MAP2: variants seen among roughly 807,000 people sequenced by gnomAD.
MAP2 encodes microtubule-associated protein 2.
In MAP2, 14 loss-of-function variants were observed where a neutral mutation model predicts 137.6. That is an observed-to-expected ratio of 0.10 (90% confidence interval 0.07 to 0.16). The LOEUF is 0.16. Ranked by LOEUF, MAP2 falls within the 10% of genes least tolerant of loss-of-function variation. The probability of loss-of-function intolerance (pLI) is 1.00; values close to 1 mark genes in which losing one functional copy is unlikely to be tolerated. For missense variants in MAP2, 2,088 were observed against 2,191.5 expected, an observed-to-expected ratio of 0.95 and a Z score of 0.94; for synonymous variants, 786 against 782.3, an observed-to-expected ratio of 1.00 and a Z score of -0.08.
In MAP2 at chr2:209,704,503, A is replaced by G. The variant is rs751720632; in HGVS notation, c.4585-1077A>G. ...TACAGGGTAGCACAAAGTCCCCAAG[A>G]TACAGCTCAGCCTGCCCTAGCACGA... On this transcript the variant is annotated intron_variant, in intron 11 of 15. Transcript: ENST00000682079. 5.6e-6 allele frequency: 9 copies of G among 1,612,940 alleles called. No homozygotes were observed. The South Asian group carries it at 9.9e-5, about 18-fold the overall frequency.
At chr2:209,616,900 G>C (rs2089633478) in intron 3 of MAP2, among the ~76,000 whole-genome samples, 1 of 152,060 alleles carries the variant, frequency 6.6e-6, no homozygotes, top group Non-Finnish European at 1.5e-5. Flanking sequence ...AATATGGTTG[G>C]ACAAAAAGGA....
At chr2:209,658,798 C>G (rs573126569) in intron 5 of MAP2, among the ~76,000 whole-genome samples, 1 of 152,110 alleles carries the variant, frequency 6.6e-6, no homozygotes, top group Non-Finnish European at 1.5e-5. Context: ...TGAGCCACTG[C>G]GCCCGGCCGA....
chr2:209,523,039 T>C (rs1041242302), intron 2 of MAP2, among the ~76,000 whole-genome samples: 3 of 152,230 alleles, frequency 2.0e-5, no homozygotes, highest in African/African-American at 7.2e-5. Flanking sequence ...TGCATTCAGC[T>C]TAAATTAGTT....
chr2:209,475,045 G>C (rs1035099423), intron 1 of MAP2, among the ~76,000 whole-genome samples: 2 of 152,036 alleles, frequency 1.3e-5, no homozygotes. Context: ...TGTGTATGAA[G>C]AGGAATGAGT....
At chr2:209,468,545 C>A (rs555878757) in intron 1 of MAP2, among the ~76,000 whole-genome samples, 71 of 152,094 alleles carry the variant, frequency 4.7e-4, no homozygotes, top group African/African-American at 1.6e-3. Flanking sequence ...TGGTCTCAAT[C>A]TCCTGACCTC....
intron 1 of MAP2, among the ~76,000 whole-genome samples, chr2:209,455,465 T>C (rs1361657067): frequency 6.6e-6 from 1 of 152,236 alleles, no homozygotes; most frequent in Non-Finnish European, 1.5e-5. Context: ...TGGCCTCTAC[T>C]CATGATAACC....
intron 1 of MAP2, among the ~76,000 whole-genome samples, chr2:209,449,885 T>A (rs946849968): frequency 6.6e-6 from 1 of 152,172 alleles, no homozygotes; most frequent in African/African-American, 2.4e-5. Flanking sequence ...TTCCATTTGT[T>A]CTTTATGCAT....
rs76347613 is a variant in MAP2, at chr2:209,448,146, A to G, written c.-222+23870A>G. Among the ~76,000 whole-genome samples the G allele has an allele frequency of 8.8e-3, 1,341 of 152,252 alleles. 42 individuals are homozygous for G. The highest frequency in any genetic ancestry group is 0.072 in the East Asian group (370 of 5,168). Reference sequence around the variant, plus strand: ...TACTGTCCTACAACAGCATTGCTCCAGGGTAATTCAATGAGGTATTGAACC... The same window carrying G: ...TACTGTCCTACAACAGCATTGCTCCGGGGTAATTCAATGAGGTATTGAACC... On this transcript the variant is annotated intron_variant, in intron 1 of 15. Coordinates refer to ENST00000682079, the MANE Select transcript of MAP2 (RefSeq NM_001375505.1).
chr2:209,661,225 C>T (rs912105800), intron 5 of MAP2, among the ~76,000 whole-genome samples: 1 of 152,096 alleles, frequency 6.6e-6, no homozygotes, highest in Non-Finnish European at 1.5e-5. Context: ...TCTAGATTTG[C>T]GATTTACTAA....
At chr2:209,637,646 C>T (rs953702700) in intron 4 of MAP2, among the ~76,000 whole-genome samples, 4 of 152,066 alleles carry the variant, frequency 2.6e-5, no homozygotes, top group African/African-American at 7.2e-5. Flanking sequence ...AACCATCAGC[C>T]TCACTGGTCC....
At chr2:209,486,781 T>A (rs559561658) in intron 1 of MAP2, among the ~76,000 whole-genome samples, 5 of 152,246 alleles carry the variant, frequency 3.3e-5, no homozygotes, top group Non-Finnish European at 7.3e-5. Context: ...CATTCCAATA[T>A]AATACTTTCT....
intron 3 of MAP2, among the ~76,000 whole-genome samples, chr2:209,587,146 C>T (rs2077963774): frequency 6.6e-6 from 1 of 152,094 alleles, no homozygotes; most frequent in African/African-American, 2.4e-5. Context: ...TTTCCTGCCT[C>T]ATGATTTCTT....
At chr2:209,535,037 C>T (rs2065743828) in intron 2 of MAP2, among the ~76,000 whole-genome samples, 1 of 152,024 alleles carries the variant, frequency 6.6e-6, no homozygotes, top group African/African-American at 2.4e-5. Flanking sequence ...GAAAGAAATC[C>T]CATAGTGTCC....
intron 5 of MAP2, among the ~76,000 whole-genome samples, chr2:209,673,432 C>T (rs539580217): frequency 7.7e-4 from 117 of 151,878 alleles, no homozygotes; most frequent in Middle Eastern, 3.4e-3. Context: ...GCAAAAACTA[C>T]GGTTAATTAC....
intron 3 of MAP2, among the ~76,000 whole-genome samples, chr2:209,615,680 C>G (rs1166734933): frequency 6.6e-6 from 1 of 152,060 alleles, no homozygotes; most frequent in East Asian, 1.9e-4. Context: ...CAGGCAGGTC[C>G]CCGGTGAAAC....
chr2:209,576,330 A>G (rs144309476), intron 2 of MAP2, among the ~76,000 whole-genome samples: 1,660 of 151,952 alleles, frequency 0.011, 32 homozygotes, highest in African/African-American at 0.037. Flanking sequence ...TGCAACCTCC[A>G]CCTCTTGGGT....
chr2:209,697,771 A>C (rs1240183357), intron 10 of MAP2, among the ~76,000 whole-genome samples: 5 of 152,160 alleles, frequency 3.3e-5, no homozygotes. Context: ...TAGTTTCACA[A>C]ATTTGAAGCT....
intron 1 of MAP2, among the ~76,000 whole-genome samples, chr2:209,442,500 A>G (rs1477101956): frequency 6.6e-6 from 1 of 151,692 alleles, no homozygotes; most frequent in East Asian, 1.9e-4. Context: ...TTTAATTATC[A>G]GCTTAAATTT....
In MAP2 at chr2:209,694,356, C is replaced by T. The variant is rs754244309; in HGVS notation, c.2186C>T (p.Ser729Phe). The change falls in exon 8 of 16, where the codon TCC (serine) becomes TTC (phenylalanine). Residue 729 changes from serine (S) to phenylalanine (F), a missense_variant. Physicochemically the swap from Ser to Phe is radical, Grantham distance 155. This residue lies in a region of MAP2 where 500 missense variants were observed against 482.9 expected (regional missense o/e 1.04). Coordinates refer to ENST00000682079, the MANE Select transcript of MAP2 (RefSeq NM_001375505.1). ...GRGHDLSPLA[S>F]DILTNTSGSM... Reference sequence around the variant, plus strand: ...GGACATGATCTTTCTCCTCTGGCTTCCGATATTCTAACCAACACTAGTGGA... The same window carrying T: ...GGACATGATCTTTCTCCTCTGGCTTTCGATATTCTAACCAACACTAGTGGA... 1.2e-6 allele frequency: 2 copies of T among 1,613,942 alleles called. No individual in the cohort carries two copies. The highest frequency in any genetic ancestry group is 1.7e-6 in the Non-Finnish European group (2 of 1,180,008).
Sources: allele counts gnomAD v4.1 joint callset (sites outside exome capture counted in the v4.1 genomes callset), GRCh38; gene constraint gnomAD v4.1.1; regional missense constraint gnomAD v4.1.1; transcripts MANE v1.5; gene names NCBI Gene and HGNC (gene_info 2026-07-23, HGNC 2026-07-21).